The following RIMS2 variants were observed in gnomAD, a reference collection of about 807,000 sequenced individuals.
The protein encoded by RIMS2 is regulating synaptic membrane exocytosis protein 2.
In RIMS2, 59 loss-of-function variants were observed where a neutral mutation model predicts 174.4. The observed-to-expected ratio is 0.34, with a 90% CI of 0.27 to 0.42. The LOEUF (loss-of-function observed/expected upper bound fraction) is 0.42, where lower values mean the gene tolerates loss of function less well. Among genes scored for constraint, RIMS2 ranks in the 10% least tolerant of loss-of-function variants. RIMS2 has a pLI of 1.00. For synonymous variants in RIMS2, 606 were observed against 572.5 expected (o/e 1.06, Z -0.84); for missense variants, 1,620 against 1,666.3 (o/e 0.97, Z 0.48).
intron 1 of RIMS2, among the ~76,000 whole-genome samples, chr8:103,522,807 C>T (rs1389487335): frequency 6.6e-6 from 1 of 152,070 alleles, no homozygotes. Context: ...TTATTGGTAA[C>T]TTACTTTTTG....
chr8:103,964,820 T>A (rs550960790), intron 15 of RIMS2, among the ~76,000 whole-genome samples: 1 of 152,226 alleles, frequency 6.6e-6, no homozygotes, highest in Admixed American at 6.5e-5. Flanking sequence ...ACATATCTGA[T>A]GCATTTTTGA....
At position 104,251,591 on chromosome 8, in the gene RIMS2, T is replaced by G. The variant is rs1370858482; in HGVS notation, c.3832-11T>G. Reference sequence around the variant, plus strand: ...ACACTGACATCACTCTACTTTTTATTTTGCCAACAGATCATCGTCTGGGGA... The same window carrying G: ...ACACTGACATCACTCTACTTTTTATGTTGCCAACAGATCATCGTCTGGGGA... On this transcript the variant is annotated splice_polypyrimidine_tract_variant and intron_variant, in intron 23 of 23. Transcript: ENST00000504942. The G allele has an allele frequency of 6.7e-7, 1 of 1,493,298 alleles. No homozygotes were observed. Among genetic ancestry groups the G allele is most frequent in the Non-Finnish European group, 9.3e-7 (1 of 1,070,042 alleles). 92.5% of individuals were successfully genotyped at this position (1,493,298 alleles called of 1,614,324 possible).
At chr8:104,028,351 A>G (rs921743005) in intron 19 of RIMS2, among the ~76,000 whole-genome samples, 8 of 152,106 alleles carry the variant, frequency 5.3e-5, no homozygotes, top group African/African-American at 1.9e-4. Flanking sequence ...CAAATTACCT[A>G]ATATTTATTA....
chr8:103,988,851 T>C lies in RIMS2; in HGVS notation c.2928-454T>C, dbSNP rs78169240. Among the ~76,000 whole-genome samples, 4 of 152,146 alleles carry C rather than the reference T, an allele frequency of 2.6e-5. No individual in the cohort carries two copies. In the East Asian group the frequency reaches 7.7e-4, roughly 29 times the overall value. Reference sequence around the variant, plus strand: ...GGCGCAAAGTGTGCAAATTTTGACTTGTTCCCCTAAGCTCCGAACTCATGT... The same window carrying C: ...GGCGCAAAGTGTGCAAATTTTGACTCGTTCCCCTAAGCTCCGAACTCATGT... On this transcript the variant is annotated intron_variant, in intron 16 of 23. Transcript: ENST00000504942.
intron 1 of RIMS2, among the ~76,000 whole-genome samples, chr8:103,663,170 C>CA (rs34790575): frequency 0.021 from 2,985 of 139,480 alleles, 41 homozygotes; most frequent in Non-Finnish European, 0.034. Context: ...GATTCTGTCT[C>CA]AAAAAAAAAA....
intron 2 of RIMS2, among the ~76,000 whole-genome samples, chr8:103,717,684 C>A (rs2097389861): frequency 1.3e-5 from 2 of 152,156 alleles, no homozygotes; most frequent in African/African-American, 4.8e-5. Context: ...CATAATATAA[C>A]AGTCTATATT....
intron 2 of RIMS2, among the ~76,000 whole-genome samples, chr8:103,728,674 G>A (rs1438128680): frequency 6.9e-6 from 1 of 145,296 alleles, no homozygotes; most frequent in Admixed American, 6.8e-5. Flanking sequence ...TTTTTAAAAA[G>A]TTTTTCCCTG....
chr8:104,244,361 C>T (rs1241240817), intron 19 of RIMS2, among the ~76,000 whole-genome samples: 1 of 152,144 alleles, frequency 6.6e-6, no homozygotes, highest in Non-Finnish European at 1.5e-5. Context: ...AGGCTCTCTC[C>T]TTTGTGTAGA....
chr8:103,711,972 C>G (rs889148962), intron 2 of RIMS2, among the ~76,000 whole-genome samples: 5 of 151,562 alleles, frequency 3.3e-5, no homozygotes, highest in Non-Finnish European at 5.9e-5. Flanking sequence ...GCATCCTAAC[C>G]ATTTAAACTT....
chr8:103,728,982 T>C (rs1026963974), intron 2 of RIMS2, among the ~76,000 whole-genome samples: 2 of 152,066 alleles, frequency 1.3e-5, no homozygotes, highest in African/African-American at 2.4e-5. Flanking sequence ...TTTGCTAGTA[T>C]TGTGTTGAGA....
At chr8:103,599,682 C>T (rs2133683437) in intron 1 of RIMS2, among the ~76,000 whole-genome samples, 1 of 151,964 alleles carries the variant, frequency 6.6e-6, no homozygotes, top group East Asian at 1.9e-4. Context: ...AACTTCTAGG[C>T]TCAAGTGATC....
chr8:103,768,622 A>T (rs1244172347), intron 3 of RIMS2: 1 of 1,012,958 alleles, frequency 9.9e-7, no homozygotes, highest in Non-Finnish European at 1.6e-6. Flanking sequence ...GGTTATTGTA[A>T]AAAAAGGAGA....
intron 1 of RIMS2, among the ~76,000 whole-genome samples, chr8:103,628,899 CT>C (rs1219048570): frequency 6.6e-6 from 1 of 152,176 alleles, no homozygotes; most frequent in Non-Finnish European, 1.5e-5. Flanking sequence ...ACTCCTTCCC[CT>C]CCCCATGGAG....
intron 3 of RIMS2, among the ~76,000 whole-genome samples, chr8:103,866,757 A>C (rs753519798): frequency 1.3e-5 from 2 of 152,148 alleles, no homozygotes; most frequent in Non-Finnish European, 2.9e-5. Context: ...CAAGATGACA[A>C]GTGAATCTGT....
intron 3 of RIMS2, among the ~76,000 whole-genome samples, chr8:103,805,648 T>C (rs1377008767): frequency 6.6e-6 from 1 of 152,194 alleles, no homozygotes; most frequent in Non-Finnish European, 1.5e-5. Context: ...AACTTTATTT[T>C]GACTTCCCAA....
intron 3 of RIMS2, among the ~76,000 whole-genome samples, chr8:103,828,703 A>G (rs1450429599): frequency 6.6e-6 from 1 of 151,822 alleles, no homozygotes; most frequent in Non-Finnish European, 1.5e-5. Flanking sequence ...CTTGGGTTTT[A>G]CATTTACGTC....
intron 3 of RIMS2, among the ~76,000 whole-genome samples, chr8:103,835,103 C>CTTTT: frequency 7.6e-6 from 1 of 130,796 alleles, no homozygotes; most frequent in African/African-American, 2.9e-5. Flanking sequence ...CTTTTCTTTT[C>CTTTT]TTTTTTTTTT....
chr8:103,780,120 T>C (rs192656154), intron 3 of RIMS2, among the ~76,000 whole-genome samples: 12 of 152,260 alleles, frequency 7.9e-5, no homozygotes, highest in Admixed American at 3.3e-4. Flanking sequence ...ATCAGATGAA[T>C]TGGAGTCCTT....
chr8:104,100,779 T>C (rs1485405913), intron 19 of RIMS2, among the ~76,000 whole-genome samples: 1 of 144,810 alleles, frequency 6.9e-6, no homozygotes, highest in Non-Finnish European at 1.5e-5. Flanking sequence ...AACATACTAA[T>C]CCCATTCAAT....
Sources: allele counts gnomAD v4.1 joint callset (sites outside exome capture counted in the v4.1 genomes callset), GRCh38; gene constraint gnomAD v4.1.1; transcripts MANE v1.5; gene names NCBI Gene and HGNC (gene_info 2026-07-23, HGNC 2026-07-21).